Variants in EPHB1 observed in about 807,000 individuals in gnomAD.
EPHB1 encodes ephrin type-B receptor 1.
A neutral mutation model predicts 94.4 loss-of-function variants in EPHB1; 30 were observed. The ratio of observed to expected loss-of-function variants is 0.32; its 90% confidence interval spans 0.24 to 0.43. EPHB1 has a LOEUF of 0.43. EPHB1 is among the 20% of genes least tolerant of loss of function. The pLI is 1.00. For missense variants in EPHB1, 1,055 were observed against 1,308.3 expected, an observed-to-expected ratio of 0.81 and a Z score of 2.99; for synonymous variants, 522 against 489.1, an observed-to-expected ratio of 1.07 and a Z score of -0.89.
intron 3 of EPHB1, 65 bp from the exon 4 acceptor site, chr3:135,106,383 T>C (rs918680920): frequency 1.3e-6 from 2 of 1,576,116 alleles, no homozygotes; most frequent in East Asian, 2.2e-5. Context: ...CCTTTTCCGG[T>C]TGTAGGGAAG....
chr3:135,063,148 A>G (rs1937537209), intron 3 of EPHB1, among the ~76,000 whole-genome samples: 1 of 152,102 alleles, frequency 6.6e-6, no homozygotes, highest in South Asian at 2.1e-4. Context: ...CTTTTTGCTT[A>G]GTCTTGCTTT....
chr3:135,107,014 C>T (rs931539361), intron 4 of EPHB1, among the ~76,000 whole-genome samples: 2 of 152,196 alleles, frequency 1.3e-5, no homozygotes, highest in Non-Finnish European at 2.9e-5. Flanking sequence ...CCAGACTCCC[C>T]TCAGAGTGCT....
At chr3:135,110,005 G>A (rs1939378268) in intron 4 of EPHB1, among the ~76,000 whole-genome samples, 1 of 152,226 alleles carries the variant, frequency 6.6e-6, no homozygotes, top group African/African-American at 2.4e-5. Flanking sequence ...CCCGCACCAT[G>A]TTGCAGGGCT....
intron 3 of EPHB1, among the ~76,000 whole-genome samples, chr3:135,079,966 G>T (rs982964645): frequency 6.6e-6 from 1 of 152,112 alleles, no homozygotes; most frequent in Non-Finnish European, 1.5e-5. Flanking sequence ...AGTGCCCCTG[G>T]CTGGACGAAG....
In EPHB1 at chr3:135,260,182, T is replaced by G. The variant is rs961022801; in HGVS notation, c.*1062T>G. The G allele has an allele frequency of 4.3e-5, 10 of 233,098 alleles. No homozygotes were observed. The highest frequency in any genetic ancestry group is 2.2e-4 in the African/African-American group (10 of 45,450). 14.4% of individuals were successfully genotyped at this position (233,098 alleles called of 1,614,324 possible). A position where few individuals can be genotyped will look rare whatever the true frequency, so the allele number is the denominator to read the frequency against. Reference sequence around the variant, plus strand: ...CTCAAGAAAAGGAGAAGGAAAGTGTTTCTGGAGAATGTTCTTTCACATCAC... The same window carrying G: ...CTCAAGAAAAGGAGAAGGAAAGTGTGTCTGGAGAATGTTCTTTCACATCAC... On this transcript the variant is annotated 3_prime_UTR_variant, in exon 16 of 16. Coordinates refer to ENST00000398015, the MANE Select transcript of EPHB1 (RefSeq NM_004441.5).
chr3:135,205,955 T>G (rs867446293), intron 12 of EPHB1, among the ~76,000 whole-genome samples: 1 of 152,202 alleles, frequency 6.6e-6, no homozygotes, highest in African/African-American at 2.4e-5. Flanking sequence ...TGCAACTGTG[T>G]AACCCAAACT....
At chr3:135,026,388 G>C (rs1576326289) in intron 3 of EPHB1, among the ~76,000 whole-genome samples, 1 of 149,118 alleles carries the variant, frequency 6.7e-6, no homozygotes, top group East Asian at 2.0e-4. Context: ...ATTGATTTTT[G>C]TATATGGTGT....
intron 10 of EPHB1, 99 bp from the exon 11 acceptor site, chr3:135,192,477 A>G (rs1942486257): frequency 1.4e-6 from 2 of 1,427,050 alleles, no homozygotes; most frequent in East Asian, 2.4e-5. Context: ...TTTAATCACA[A>G]TTCCACTTGG....
At chr3:135,234,765 C>T (rs1185450658) in intron 12 of EPHB1, among the ~76,000 whole-genome samples, 1 of 152,172 alleles carries the variant, frequency 6.6e-6, no homozygotes, top group Non-Finnish European at 1.5e-5. Flanking sequence ...GAAAAAGCCC[C>T]TTATAGAACC....
At position 135,165,941 on chromosome 3, in the gene EPHB1, G is replaced by A. The variant is rs751873287; in HGVS notation, c.1586-27G>A. 1.9e-6 allele frequency: 3 copies of A among 1,571,058 alleles called. No homozygotes were observed. In the South Asian group the frequency reaches 3.3e-5, roughly 17 times the overall value. Reference sequence around the variant, plus strand: ...GCTGTATGCAAAAGGCACATGGGGAGGATTCTAATGCCTCTTTCTCACCTA... The same window carrying A: ...GCTGTATGCAAAAGGCACATGGGGAAGATTCTAATGCCTCTTTCTCACCTA... On this transcript the variant is annotated intron_variant, in intron 7 of 15. Transcript: ENST00000398015.
intron 1 of EPHB1, among the ~76,000 whole-genome samples, chr3:134,815,477 G>C (rs1223026765): frequency 1.3e-5 from 2 of 152,126 alleles, no homozygotes; most frequent in African/African-American, 4.8e-5. Flanking sequence ...GGAAAGAGAA[G>C]ATGAAAAAGC....
chr3:134,844,292 A>G (rs1486141558), intron 1 of EPHB1, among the ~76,000 whole-genome samples: 3 of 152,204 alleles, frequency 2.0e-5, no homozygotes, highest in Non-Finnish European at 2.9e-5. Flanking sequence ...ATCTGTGTGT[A>G]GGTAGGAAAG....
chr3:135,209,671 C>T (rs1942987123), intron 12 of EPHB1, among the ~76,000 whole-genome samples: 1 of 152,144 alleles, frequency 6.6e-6, no homozygotes, highest in South Asian at 2.1e-4. Flanking sequence ...CTTAACAGGA[C>T]ATCTCTAGGA....
At chr3:134,984,552 T>TA (rs1291115539) in intron 3 of EPHB1, among the ~76,000 whole-genome samples, 20 of 152,290 alleles carry the variant, frequency 1.3e-4, no homozygotes, top group African/African-American at 4.6e-4. Context: ...GCTACTCTTC[T>TA]AGGCCCTAGA....
At chr3:134,916,310 G>A (rs1253231045) in intron 1 of EPHB1, among the ~76,000 whole-genome samples, 4 of 152,184 alleles carry the variant, frequency 2.6e-5, no homozygotes, top group South Asian at 2.1e-4. Flanking sequence ...GATCCCACAC[G>A]AGGGCCACAG....
chr3:135,172,095 A>G (rs1941820502), intron 9 of EPHB1, among the ~76,000 whole-genome samples: 1 of 152,182 alleles, frequency 6.6e-6, no homozygotes, highest in Non-Finnish European at 1.5e-5. Context: ...CTGGGATCCC[A>G]TTTCGAGAAG....
chr3:134,961,259 G>C (rs1433450357), intron 3 of EPHB1, among the ~76,000 whole-genome samples: 1 of 152,136 alleles, frequency 6.6e-6, no homozygotes, highest in African/African-American at 2.4e-5. Context: ...TTGCTCTGGA[G>C]AACCTGATGG....
intron 7 of EPHB1, among the ~76,000 whole-genome samples, chr3:135,162,911 A>G (rs1360752098): frequency 6.6e-6 from 1 of 152,194 alleles, no homozygotes; most frequent in Non-Finnish European, 1.5e-5. Context: ...TCTCTTAGCT[A>G]GCCATTTACC....
Position 134,896,733 on chromosome 3 carries a change from A to G in EPHB1, c.59-29083A>G, listed in dbSNP as rs2038093365. ...CCCTGAGGTGCCAGGTTCAGGGGGA[A>G]GCCCTGCTTGGGCAGATTTGCTGGA... On this transcript the variant is annotated intron_variant, in intron 1 of 15. Coordinates refer to ENST00000398015, the MANE Select transcript of EPHB1 (RefSeq NM_004441.5). Among the ~76,000 whole-genome samples the G allele has an allele frequency of 1.3e-5, 2 of 152,252 alleles. 1 individual carries two copies. The highest frequency in any genetic ancestry group is 4.1e-4 in the South Asian group (2 of 4,828).
Sources: allele counts gnomAD v4.1 joint callset (sites outside exome capture counted in the v4.1 genomes callset), GRCh38; gene constraint gnomAD v4.1.1; transcripts MANE v1.5; gene names NCBI Gene and HGNC (gene_info 2026-07-23, HGNC 2026-07-21).